ESRRG: variants seen among roughly 807,000 people sequenced by gnomAD.
ESRRG encodes the protein estrogen-related receptor gamma.
In ESRRG, 13 loss-of-function variants were observed where a neutral mutation model predicts 44.0. That is an observed-to-expected ratio of 0.30 (90% CI 0.19 to 0.47). The LOEUF (loss-of-function observed/expected upper bound fraction) is 0.47. ESRRG is among the 20% of genes least tolerant of loss of function. The pLI is 1.00. For missense variants in ESRRG, 395 were observed against 580.6 expected (o/e 0.68, Z 3.29); for synonymous variants, 215 against 214.6 (o/e 1.00, Z -0.02).
At chr1:216,985,967 T>A (rs1021521218) in intron 1 of ESRRG, 5 of 152,212 alleles carry the variant, frequency 3.3e-5, no homozygotes, top group African/African-American at 1.2e-4. Flanking sequence ...AACCATGATA[T>A]GGGCAAAGAT....
At chr1:216,823,818 C>T (rs908040593) in intron 2 of ESRRG, among the ~76,000 whole-genome samples, 2 of 152,114 alleles carry the variant, frequency 1.3e-5, no homozygotes, top group African/African-American at 4.8e-5. Flanking sequence ...CTTCTACTGG[C>T]TCCTGGCCTA....
intron 2 of ESRRG, among the ~76,000 whole-genome samples, chr1:216,830,985 A>G (rs1408879008): frequency 6.6e-6 from 1 of 152,068 alleles, no homozygotes; most frequent in Non-Finnish European, 1.5e-5. Flanking sequence ...ACAATTGGAA[A>G]AGAGCAGGGG....
intron 2 of ESRRG, among the ~76,000 whole-genome samples, chr1:216,881,724 A>T (rs186215828): frequency 4.3e-4 from 65 of 152,300 alleles, no homozygotes; most frequent in African/African-American, 1.5e-3. Flanking sequence ...GACGTTAAGG[A>T]AGCCAGATGT....
chr1:216,689,034 G>T (rs1049753780), intron 1 of ESRRG, among the ~76,000 whole-genome samples: 1 of 152,150 alleles, frequency 6.6e-6, no homozygotes, highest in East Asian at 1.9e-4. Flanking sequence ...CTTTTGATTC[G>T]CCATTGCTTC....
intron 5 of ESRRG, among the ~76,000 whole-genome samples, chr1:216,522,485 C>G (rs747919892): frequency 1.5e-4 from 23 of 152,048 alleles, no homozygotes; most frequent in Non-Finnish European, 2.8e-4. Flanking sequence ...TGCTGGCTCT[C>G]ATTTTACCCC....
intron 2 of ESRRG, among the ~76,000 whole-genome samples, chr1:216,883,612 A>G (rs1387366901): frequency 6.6e-6 from 1 of 152,060 alleles, no homozygotes; most frequent in Non-Finnish European, 1.5e-5. Flanking sequence ...GTCCTTTTCC[A>G]TTAGGTATGT....
Position 216,715,912 on chromosome 1 carries a change from GTAT to G in ESRRG, c.56+7329_56+7331del, listed in dbSNP as rs371765754. ...GAAAAAGGAATTATCATTTACAAAGGTATTGTTGTGATCATGGAAAAAAAGAAT... is the reference window on the plus strand; with the variant it reads ...GAAAAAGGAATTATCATTTACAAAGGTGTTGTGATCATGGAAAAAAAGAAT... On this transcript the variant is annotated intron_variant, in intron 1 of 6. Coordinates refer to ENST00000408911, the MANE Select transcript of ESRRG (RefSeq NM_001438.4). 6.9e-3 allele frequency among the ~76,000 whole-genome samples: 1,044 copies of G among 152,062 alleles called. 13 individuals carry two copies. The highest frequency in any genetic ancestry group is 0.025 in the African/African-American group (1,021 of 41,516).
chr1:216,698,925 A>T (rs1427964289), intron 1 of ESRRG, among the ~76,000 whole-genome samples: 1 of 152,170 alleles, frequency 6.6e-6, no homozygotes, highest in Non-Finnish European at 1.5e-5. Context: ...TCCACTCTCC[A>T]AATTTTGGCT....
intron 5 of ESRRG, among the ~76,000 whole-genome samples, chr1:216,531,081 A>G (rs1228792192): frequency 6.6e-6 from 1 of 152,162 alleles, no homozygotes; most frequent in Non-Finnish European, 1.5e-5. Context: ...TAAAGGATTT[A>G]CAGCATAGGC....
chr1:217,117,200 AG>A (rs1325781523), intron 1 of ESRRG, among the ~76,000 whole-genome samples: 1 of 152,242 alleles, frequency 6.6e-6, no homozygotes, highest in East Asian at 1.9e-4. Context: ...TCTAAGCCCC[AG>A]CTTAGTTATA....
intron 2 of ESRRG, among the ~76,000 whole-genome samples, chr1:216,937,046 T>C (rs577752178): frequency 6.6e-5 from 10 of 152,200 alleles, no homozygotes; most frequent in South Asian, 4.2e-4. Flanking sequence ...GTTTTTCCCT[T>C]GTAATTGGTA....
chr1:217,015,333 G>A (rs1311964039), intron 1 of ESRRG, among the ~76,000 whole-genome samples: 1 of 152,168 alleles, frequency 6.6e-6, no homozygotes, highest in Non-Finnish European at 1.5e-5. Flanking sequence ...TCCAGACACT[G>A]CTGGAAAAGC....
At chr1:216,596,158 C>T (rs1031521881) in intron 3 of ESRRG, among the ~76,000 whole-genome samples, 18 of 152,178 alleles carry the variant, frequency 1.2e-4, no homozygotes, top group Non-Finnish European at 2.2e-4. Flanking sequence ...TCCCTAAATG[C>T]TCTAGGTAGC....
chr1:216,564,111 GTTTT>G (rs903999242), intron 5 of ESRRG, 104 bp downstream of exon 5: 3 of 565,090 alleles, frequency 5.3e-6, no homozygotes, highest in African/African-American at 3.9e-5. Context: ...AATGTAAAGG[GTTTT>G]TTTAAGTCTA....
At chr1:216,982,167 C>T (rs888591629) in intron 1 of ESRRG, among the ~76,000 whole-genome samples, 1 of 152,128 alleles carries the variant, frequency 6.6e-6, no homozygotes, top group South Asian at 2.1e-4. Flanking sequence ...AAGTGTGTAA[C>T]AGCTTAGCTG....
chr1:216,840,254 T>A (rs1361318828), intron 2 of ESRRG, among the ~76,000 whole-genome samples: 4 of 152,204 alleles, frequency 2.6e-5, no homozygotes, highest in Non-Finnish European at 1.5e-5. Flanking sequence ...TCCACTTTTA[T>A]GTTACAGTGA....
rs183556107 is a variant in ESRRG at position 216,609,647 on chromosome 1, G to A, written c.589+41326C>T. ...GATTCAATAAAATGGAATCCTCTGT[G>A]ATTCACTAAATAATCTTAGCTAAAA... On this transcript the variant is annotated intron_variant, in intron 3 of 6. Coordinates refer to ENST00000408911, the MANE Select transcript of ESRRG (RefSeq NM_001438.4). Among the ~76,000 whole-genome samples the A allele has an allele frequency of 2.6e-5, 4 of 152,300 alleles. No homozygotes were observed. The East Asian group carries it at 7.7e-4, about 29-fold the overall frequency.
chr1:217,127,535 A>AATACAGAG (rs2092908548), intron 1 of ESRRG, among the ~76,000 whole-genome samples: 3 of 152,338 alleles, frequency 2.0e-5, no homozygotes. Context: ...TTGTTGATTC[A>AATACAGAG]ATACAGAGAT....
At chr1:217,035,323 A>C (rs1018227331) in intron 1 of ESRRG, among the ~76,000 whole-genome samples, 2 of 149,176 alleles carry the variant, frequency 1.3e-5, no homozygotes, top group African/African-American at 5.0e-5. Context: ...CTGTCTCAAA[A>C]AAAAAAAAAA....
Sources: allele counts gnomAD v4.1 joint callset (sites outside exome capture counted in the v4.1 genomes callset), GRCh38; gene constraint gnomAD v4.1.1; transcripts MANE v1.5; gene names NCBI Gene and HGNC (gene_info 2026-07-23, HGNC 2026-07-21).